CLNK: variants seen among roughly 807,000 people sequenced by gnomAD.
The protein encoded by CLNK is cytokine-dependent hematopoietic cell linker.
In CLNK, 74 loss-of-function variants were observed where a neutral mutation model predicts 68.6. The ratio of observed to expected loss-of-function variants is 1.08; its 90% CI spans 0.89 to 1.31. The LOEUF is 1.31. Ranked by LOEUF, CLNK falls within the 50% of genes most tolerant of loss-of-function variation. CLNK has a pLI of 0.00. For missense variants in CLNK, 553 were observed against 515.3 expected (o/e 1.07, Z -0.71); for synonymous variants, 198 against 172.2 (o/e 1.15, Z -1.17).
intron 1 of CLNK, among the ~76,000 whole-genome samples, chr4:10,673,930 T>A (rs79913395): frequency 2.0e-5 from 3 of 152,154 alleles, no homozygotes; most frequent in African/African-American, 7.2e-5. Flanking sequence ...GCACAACTCA[T>A]GGTGTGTGTG....
chr4:10,677,022 A>C (rs1252248722), intron 1 of CLNK, among the ~76,000 whole-genome samples: 3 of 149,014 alleles, frequency 2.0e-5, no homozygotes, highest in Non-Finnish European at 4.4e-5. Context: ...GCAGAACCAC[A>C]TTGATTAGAG....
chr4:10,725,089 A>T, the CLNK span, among the ~76,000 whole-genome samples: 15 of 152,022 alleles, frequency 9.9e-5, no homozygotes, highest in Non-Finnish European at 1.9e-4. Flanking sequence ...CTTGCGAAGG[A>T]GAGGGCCCAG....
At chr4:10,619,547 T>C (rs575458990) in intron 2 of CLNK, among the ~76,000 whole-genome samples, 1 of 152,248 alleles carries the variant, frequency 6.6e-6, no homozygotes, top group East Asian at 1.9e-4. Flanking sequence ...TGGAATTAGC[T>C]TCATTTCTGC....
intron 2 of CLNK, among the ~76,000 whole-genome samples, chr4:10,662,069 T>C (rs1724214612): frequency 6.6e-6 from 1 of 152,172 alleles, no homozygotes; most frequent in Non-Finnish European, 1.5e-5. Flanking sequence ...TATTACTAGA[T>C]AGTATGAACT....
chr4:10,492,112 A>G (rs1716599422), intron 18 of CLNK, among the ~76,000 whole-genome samples: 2 of 152,228 alleles, frequency 1.3e-5, no homozygotes, highest in African/African-American at 4.8e-5. Context: ...TGAACAGGGC[A>G]GGGGGAATGA....
chr4:10,510,261 T>C (rs1238360365), intron 16 of CLNK, among the ~76,000 whole-genome samples: 1 of 152,136 alleles, frequency 6.6e-6, no homozygotes, highest in East Asian at 1.9e-4. Context: ...CTAATTCTCT[T>C]TCTAGCCCCC....
intron 11 of CLNK, among the ~76,000 whole-genome samples, chr4:10,538,797 T>A (rs1176852736): frequency 6.6e-6 from 1 of 152,218 alleles, no homozygotes; most frequent in Non-Finnish European, 1.5e-5. Flanking sequence ...AGAAACAGAC[T>A]TGTCAATTTG....
intron 2 of CLNK, among the ~76,000 whole-genome samples, chr4:10,616,794 A>G (rs1463028293): frequency 7.0e-3 from 28 of 3,974 alleles, no homozygotes; most frequent in African/African-American, 9.7e-3. Context: ...GTGTGTGTAT[A>G]TATATATATA....
chr4:10,641,833 GT>G (rs1275192240), intron 2 of CLNK, among the ~76,000 whole-genome samples: 1 of 151,008 alleles, frequency 6.6e-6, no homozygotes, highest in African/African-American at 2.5e-5. Context: ...AATGGGGGTG[GT>G]TTCCCCCATA....
intron 3 of CLNK, among the ~76,000 whole-genome samples, chr4:10,595,546 C>T (rs1721352281): frequency 6.6e-6 from 1 of 152,170 alleles, no homozygotes; most frequent in African/African-American, 2.4e-5. Flanking sequence ...TGGGGCCCAG[C>T]ACTCAGCTTG....
At chr4:10,637,008 A>C (rs928690322) in intron 2 of CLNK, among the ~76,000 whole-genome samples, 1 of 152,216 alleles carries the variant, frequency 6.6e-6, no homozygotes, top group Non-Finnish European at 1.5e-5. Flanking sequence ...GGCTCTGTGC[A>C]CACAGGTGTT....
chr4:10,676,393 C>CTTTTTTT (rs33954033), intron 1 of CLNK, among the ~76,000 whole-genome samples: 1 of 134,356 alleles, frequency 7.4e-6, no homozygotes, highest in Admixed American at 7.5e-5. Context: ...TTATAGATTT[C>CTTTTTTT]TTTTTTTTTT....
chr4:10,709,474 G>A, the CLNK span, among the ~76,000 whole-genome samples: 1 of 152,152 alleles, frequency 6.6e-6, no homozygotes, highest in Non-Finnish European at 1.5e-5. Context: ...ATTTCAATGA[G>A]TCTTTCTGAT....
intron 2 of CLNK, among the ~76,000 whole-genome samples, chr4:10,598,504 T>C (rs894029701): frequency 2.0e-5 from 3 of 152,240 alleles, no homozygotes; most frequent in African/African-American, 4.8e-5. Flanking sequence ...CCTATGTTGG[T>C]TGAATTTCAT....
intron 15 of CLNK, among the ~76,000 whole-genome samples, chr4:10,518,604 A>C (rs1242692440): frequency 1.3e-5 from 2 of 152,196 alleles, no homozygotes; most frequent in Admixed American, 6.5e-5. Flanking sequence ...CTCTTCCAAC[A>C]TGTCAAAATA....
At chr4:10,713,833 C>G in the CLNK span, among the ~76,000 whole-genome samples, 3 of 152,186 alleles carry the variant, frequency 2.0e-5, no homozygotes, top group Non-Finnish European at 4.4e-5. Flanking sequence ...TCTTAAATAG[C>G]CTGAAGAATC....
chr4:10,529,434 T>C (rs1040859764), intron 12 of CLNK, among the ~76,000 whole-genome samples: 1 of 152,190 alleles, frequency 6.6e-6, no homozygotes, highest in African/African-American at 2.4e-5. Flanking sequence ...TCCTGACTCA[T>C]AGTTGCTTCA....
At chr4:10,625,955 C>G (rs1455275797) in intron 2 of CLNK, among the ~76,000 whole-genome samples, 2 of 152,224 alleles carry the variant, frequency 1.3e-5, no homozygotes, top group African/African-American at 2.4e-5. Flanking sequence ...ACATTCATTT[C>G]AACCGTTCTT....
At chr4:10,642,892 C>G (rs775562640) in intron 2 of CLNK, among the ~76,000 whole-genome samples, 1 of 152,138 alleles carries the variant, frequency 6.6e-6, no homozygotes, top group African/African-American at 2.4e-5. Context: ...TTAAATGCTT[C>G]AAAGCCATAA....
Sources: gnomAD v4.1 joint callset for allele counts (sites outside exome capture counted in the v4.1 genomes callset) on GRCh38, gnomAD v4.1.1 for gene constraint, MANE v1.5 for transcripts, NCBI Gene and HGNC (gene_info 2026-07-23, HGNC 2026-07-21) for gene names.